The following LPA variants were observed in gnomAD, a reference collection of about 807,000 sequenced individuals.
LPA encodes the protein apolipoprotein(a).
In LPA, 199 loss-of-function variants were observed where a neutral mutation model predicts 197.9. The observed-to-expected ratio is 1.01, with a 90% confidence interval of 0.90 to 1.13. The LOEUF (loss-of-function observed/expected upper bound fraction) is 1.13, where lower values mean the gene tolerates loss of function less well. LPA is among the 50% of genes most tolerant of loss of function. LPA has a pLI of 0.00. For missense variants in LPA, 1,853 were observed against 1,785.8 expected (o/e 1.04, Z -0.68); for synonymous variants, 715 against 639.5 (o/e 1.12, Z -1.78).
intron 28 of LPA, among the ~76,000 whole-genome samples, chr6:160,576,394 A>ATATATATATATATATATATATATATGGG (rs1778673827): frequency 1.9e-5 from 1 of 53,754 alleles, no homozygotes; most frequent in Non-Finnish European, 4.7e-5. Context: ...ATATATGTAT[A>ATATATATATATATATATATATATATGGG]TATATATATA....
At chr6:160,603,709 T>C (rs1779288716) in intron 18 of LPA, among the ~76,000 whole-genome samples, 1 of 152,224 alleles carries the variant, frequency 6.6e-6, no homozygotes, top group Non-Finnish European at 1.5e-5. Context: ...ACCACATAGC[T>C]GAGCCACTTG....
chr6:160,574,901 C>G (rs922884121), intron 28 of LPA, among the ~76,000 whole-genome samples: 1 of 152,162 alleles, frequency 6.6e-6, no homozygotes, highest in Non-Finnish European at 1.5e-5. Context: ...GAGCTGCAAT[C>G]TAGTCCTGCC....
intron 30 of LPA, among the ~76,000 whole-genome samples, chr6:160,552,862 C>CT (rs1778188045): frequency 6.6e-6 from 1 of 152,126 alleles, no homozygotes; most frequent in South Asian, 2.1e-4. Flanking sequence ...CAGTTTGTGT[C>CT]TACAATAATG....
chr6:160,532,692 C>G lies in LPA; in HGVS notation c.5843-43G>C, dbSNP rs181941600. 54 of 1,318,294 alleles carry G rather than the reference C, an allele frequency of 4.1e-5. No homozygotes were observed. In the Admixed American group the frequency reaches 6.7e-4, roughly 16 times the overall value. The allele number at this position is 1,318,294 out of a possible 1,614,324, so 81.7% of individuals were successfully genotyped here. A position where few individuals can be genotyped will look rare whatever the true frequency, so the allele number is the denominator to read the frequency against. ...AAAGAAATGGTTACTGAGGCCAAAG[C>G]TTGTTCACGAGGAAATTCCAGAAGA... On this transcript the variant is annotated intron_variant, in intron 37 of 38. Coordinates refer to ENST00000316300, the MANE Select transcript of LPA (RefSeq NM_005577.4).
Position 160,599,522 on chromosome 6 carries a change from T to A in LPA, c.3265A>T (p.Thr1089Ser), listed in dbSNP as rs1417929436. Residue 1089 changes from threonine to serine, a missense_variant, in exon 20 of 39, where the codon ACC becomes TCC. Transcript: ENST00000316300. Reference sequence around the variant, plus strand: ...TACGCATTTGGGTAGTTTTCTGGGGTCCGACTATGCTGGTGTGGTGTCATA... The same window carrying A: ...TACGCATTTGGGTAGTTTTCTGGGGACCGACTATGCTGGTGTGGTGTCATA... ...SSMTPHQHSRTPENYPNAGLT... is the reference protein window; with the variant it reads ...SSMTPHQHSRSPENYPNAGLT... The A allele has an allele frequency of 6.2e-7, 1 of 1,613,918 alleles. No individual in the cohort carries two copies. The highest frequency in any genetic ancestry group is 8.5e-7 in the Non-Finnish European group (1 of 1,179,940).
At chr6:160,610,837 T>C (rs554554813) in intron 16 of LPA, among the ~76,000 whole-genome samples, 7 of 152,260 alleles carry the variant, frequency 4.6e-5, no homozygotes. Flanking sequence ...TCATTGGCCC[T>C]CTCTCAATTC....
chr6:160,557,556 GT>G lies in LPA; in HGVS notation c.4646del (p.Asn1549ThrfsTer21), dbSNP rs759584520. 1.9e-6 allele frequency: 3 copies of G among 1,614,030 alleles called. No homozygotes were observed. Reference protein sequence around the residue: ...ENYPNAGLTENYCRNPDSGKQ... With the variant: ...ENYPNAGLTEXYCRNPDSGKQ... ...TCCCAGAATCTGGATTCCTGCAGTA[GT>G]TCTCGGTCAGGCCACTGCAAATTCC... On this transcript the variant is annotated frameshift_variant, in exon 29 of 39. Transcript: ENST00000316300. LOFTEE classifies it high-confidence loss of function.
At position 160,606,653 on chromosome 6, in the gene LPA, A is replaced by T; in HGVS notation, c.2609T>A (p.Leu870Ter). ...RTPEYYPNAG[L>*]IMNYCRNPDP... is the part of the protein sequence containing the mutation. ...TGGATTCCTGCAGTAGTTCATGATC[A>T]AGCCACTGGAAATTCCAAAACGATA... is the stretch of plus-strand genomic sequence containing the variant. Residue 870 changes from leucine (L) to a stop codon, truncating the protein, a stop_gained, in exon 17 of 39, where the codon TTG (leucine) becomes TAG (stop). Transcript: ENST00000316300. LOFTEE classifies it high-confidence loss of function. 1.2e-6 allele frequency: 2 copies of T among 1,614,012 alleles called. No individual in the cohort carries two copies. The highest frequency in any genetic ancestry group is 3.3e-4 in the Middle Eastern group (2 of 6,048).
chr6:160,573,405 G>T (rs906094148), intron 28 of LPA, among the ~76,000 whole-genome samples: 2 of 151,036 alleles, frequency 1.3e-5, no homozygotes, highest in African/African-American at 4.9e-5. Flanking sequence ...TCCCTGATTA[G>T]CTTAATAACT....
intron 28 of LPA, among the ~76,000 whole-genome samples, chr6:160,565,751 G>A (rs918359127): frequency 3.4e-4 from 52 of 152,196 alleles, no homozygotes; most frequent in Non-Finnish European, 5.6e-4. Context: ...AAGGATGTTC[G>A]AACCCATTGC....
At chr6:160,607,317 T>G (rs1276189157) in intron 16 of LPA, among the ~76,000 whole-genome samples, 1 of 152,104 alleles carries the variant, frequency 6.6e-6, no homozygotes, top group African/African-American at 2.4e-5. Context: ...CCTGGAAAAC[T>G]TGCTCCCAGG....
chr6:160,568,071 G>T (rs536653037), intron 28 of LPA, among the ~76,000 whole-genome samples: 2 of 152,298 alleles, frequency 1.3e-5, no homozygotes, highest in South Asian at 4.1e-4. Flanking sequence ...ACAAAGAGGA[G>T]CTGGTACCAA....
chr6:160,571,746 G>T (rs1344874033), intron 28 of LPA, among the ~76,000 whole-genome samples: 1 of 152,216 alleles, frequency 6.6e-6, no homozygotes, highest in Non-Finnish European at 1.5e-5. Flanking sequence ...GAGCGTCCCA[G>T]GTCAACTTCA....
intron 28 of LPA, among the ~76,000 whole-genome samples, chr6:160,576,746 AT>A (rs1393589066): frequency 8.3e-6 from 1 of 120,574 alleles, no homozygotes; most frequent in Non-Finnish European, 1.7e-5. Context: ...TTTTTTACTT[AT>A]TACCCATGAC....
rs1030508295 is a variant in LPA at position 160,557,678 on chromosome 6, A to G, written c.4632-107T>C. The G allele has an allele frequency of 3.1e-6, 3 of 955,514 alleles. No individual in the cohort carries two copies. In the African/African-American group the frequency reaches 4.8e-5, roughly 15 times the overall value. The allele number at this position is 955,514 out of a possible 1,614,324, so 59.2% of individuals were successfully genotyped here. ...CAAAGTGTTAAAAAGTGACGTTGTA[A>G]TATTCCCATTTTAGGTACAATAATA... On this transcript the variant is annotated intron_variant, in intron 28 of 38. Coordinates refer to ENST00000316300, the MANE Select transcript of LPA (RefSeq NM_005577.4).
At chr6:160,657,911 C>A (rs1411406132) in intron 1 of LPA, among the ~76,000 whole-genome samples, 3 of 152,156 alleles carry the variant, frequency 2.0e-5, no homozygotes, top group African/African-American at 7.2e-5. Flanking sequence ...TGCACCTCCT[C>A]ATGGGTCACA....
intron 1 of LPA, among the ~76,000 whole-genome samples, chr6:160,655,161 G>A (rs1780111072): frequency 6.6e-6 from 1 of 152,216 alleles, no homozygotes; most frequent in African/African-American, 2.4e-5. Flanking sequence ...GCAGGTTCAG[G>A]TAGCATGGTG....
chr6:160,649,872 AG>A (rs1779971928), intron 2 of LPA, among the ~76,000 whole-genome samples: 1 of 152,186 alleles, frequency 6.6e-6, no homozygotes. Flanking sequence ...CTCAGGACCC[AG>A]GGTGTTTCTA....
At chr6:160,564,836 C>T (rs953869301) in intron 28 of LPA, among the ~76,000 whole-genome samples, 3 of 152,248 alleles carry the variant, frequency 2.0e-5, no homozygotes, top group Non-Finnish European at 4.4e-5. Context: ...AAACGGCACA[C>T]CAGGAGATTA....
Sources: allele counts gnomAD v4.1 joint callset (sites outside exome capture counted in the v4.1 genomes callset), GRCh38; gene constraint gnomAD v4.1.1; transcripts MANE v1.5; gene names NCBI Gene and HGNC (gene_info 2026-07-23, HGNC 2026-07-21).